The following AUH variants were observed in gnomAD, a reference collection of about 807,000 sequenced individuals.
AUH encodes AU RNA binding methylglutaconyl-CoA hydratase, also known as methylglutaconyl-CoA hydratase, mitochondrial.
In AUH, 29 loss-of-function variants were observed where a neutral mutation model predicts 42.3. The ratio of observed to expected loss-of-function variants is 0.69; its 90% CI spans 0.51 to 0.93. AUH has a LOEUF of 0.93. AUH is among the 40% of genes least tolerant of loss of function. The probability of loss-of-function intolerance (pLI) is 0.00; values close to 1 mark genes in which losing one functional copy is unlikely to be tolerated. For synonymous variants in AUH, 174 were observed against 166.4 expected, an observed-to-expected ratio of 1.05 and a Z score of -0.35; for missense variants, 452 against 438.1, an observed-to-expected ratio of 1.03 and a Z score of -0.28.
intron 1 of AUH, among the ~76,000 whole-genome samples, chr9:91,359,875 T>C (rs1405147872): frequency 3.9e-5 from 6 of 152,192 alleles, no homozygotes. Context: ...TTATTGCTGG[T>C]TCAACAGTAA....
At chr9:91,221,739 G>C (rs948090564) in intron 6 of AUH, among the ~76,000 whole-genome samples, 7 of 152,192 alleles carry the variant, frequency 4.6e-5, no homozygotes, top group African/African-American at 9.7e-5. Context: ...GGGTATATTA[G>C]CATGATTTAG....
intron 6 of AUH, among the ~76,000 whole-genome samples, chr9:91,277,165 G>A (rs1825610294): frequency 6.6e-6 from 1 of 152,130 alleles, no homozygotes; most frequent in Non-Finnish European, 1.5e-5. Flanking sequence ...TTAATACTAA[G>A]ATTTCCACAT....
chr9:91,285,629 T>C (rs1049379513), intron 6 of AUH, among the ~76,000 whole-genome samples: 4 of 152,086 alleles, frequency 2.6e-5, no homozygotes, highest in Non-Finnish European at 5.9e-5. Flanking sequence ...AGGTGATCAA[T>C]TCCAAGGGAG....
intron 1 of AUH, among the ~76,000 whole-genome samples, chr9:91,360,089 T>C (rs746259641): frequency 6.6e-6 from 1 of 152,216 alleles, no homozygotes; most frequent in Non-Finnish European, 1.5e-5. Flanking sequence ...TTCTCTCTTC[T>C]GTCCATTCAG....
rs562415419 is a variant in AUH, at chr9:91,253,698, A to C, written c.656-32706T>G. Among the ~76,000 whole-genome samples the C allele has an allele frequency of 3.9e-5, 6 of 152,350 alleles. No individual in the cohort carries two copies. In the East Asian group the frequency reaches 1.2e-3, roughly 29 times the overall value. On this transcript the variant is annotated intron_variant, in intron 6 of 9. Coordinates refer to ENST00000375731, the MANE Select transcript of AUH (RefSeq NM_001698.3). Reference sequence around the variant, plus strand: ...GACTGCAGTCATCAGGAGCCTTGCAAGCTGCTCACTGAAGCAGTTTCTGTA... The same window carrying C: ...GACTGCAGTCATCAGGAGCCTTGCACGCTGCTCACTGAAGCAGTTTCTGTA...
chr9:91,336,187 T>C (rs1256406710), intron 3 of AUH, among the ~76,000 whole-genome samples: 2 of 152,228 alleles, frequency 1.3e-5, no homozygotes, highest in Admixed American at 1.3e-4. Context: ...TGCTATTTTA[T>C]ATTTTCCTGG....
At chr9:91,337,279 T>C (rs1463877681) in intron 3 of AUH, among the ~76,000 whole-genome samples, 3 of 152,132 alleles carry the variant, frequency 2.0e-5, no homozygotes, top group African/African-American at 7.2e-5. Context: ...TGATGAAGAG[T>C]TACAGTAAAA....
intron 6 of AUH, among the ~76,000 whole-genome samples, chr9:91,291,636 C>T (rs1826898444): frequency 6.6e-6 from 1 of 152,068 alleles, no homozygotes; most frequent in African/African-American, 2.4e-5. Context: ...AAGTAGAAAA[C>T]ATGGGGAGTC....
chr9:91,329,786 A>G (rs1222359955), intron 3 of AUH, among the ~76,000 whole-genome samples: 2 of 152,242 alleles, frequency 1.3e-5, no homozygotes, highest in African/African-American at 4.8e-5. Flanking sequence ...TTTTCTGGTA[A>G]TATCTAAAAA....
intron 6 of AUH, among the ~76,000 whole-genome samples, chr9:91,224,011 T>C (rs1827287323): frequency 6.6e-6 from 1 of 152,212 alleles, no homozygotes; most frequent in African/African-American, 2.4e-5. Context: ...ATTTCTTCCC[T>C]GCTATATAAA....
rs1487631447 is a variant in AUH, at chr9:91,213,869, A to AT, written c.*478dup. 6.5e-6 allele frequency: 1 copy of AT among 153,290 alleles called. No individual in the cohort carries two copies. The highest frequency in any genetic ancestry group is 1.5e-5 in the Non-Finnish European group (1 of 68,530). The allele number at this position is 153,290 out of a possible 1,614,324, so 9.5% of individuals were successfully genotyped here. ...TTATATTAGGTAGTTTTCACTCAGA[A>AT]TATCAATTCATTTTTCAGGTTTAGA... is the stretch of plus-strand genomic sequence containing the variant. On this transcript the variant is annotated 3_prime_UTR_variant, in exon 10 of 10. Coordinates refer to ENST00000375731, the MANE Select transcript of AUH (RefSeq NM_001698.3).
chr9:91,277,012 C>T (rs1246878513), intron 6 of AUH, among the ~76,000 whole-genome samples: 1 of 152,026 alleles, frequency 6.6e-6, no homozygotes, highest in Non-Finnish European at 1.5e-5. Flanking sequence ...TAGCAAGACA[C>T]TCATCTCCAC....
chr9:91,277,518 C>G (rs1384511983), intron 6 of AUH, among the ~76,000 whole-genome samples: 1 of 151,892 alleles, frequency 6.6e-6, no homozygotes, highest in African/African-American at 2.4e-5. Context: ...TATCTAAAAC[C>G]TAACATTAAA....
chr9:91,244,034 A>G (rs1243726721), intron 6 of AUH, among the ~76,000 whole-genome samples: 1 of 152,216 alleles, frequency 6.6e-6, no homozygotes, highest in Non-Finnish European at 1.5e-5. Flanking sequence ...AACATATCCA[A>G]CATCCAGTCA....
chr9:91,216,196 C>A, intron 8 of AUH, 90 bp from the exon 9 acceptor site: 2 of 1,227,374 alleles, frequency 1.6e-6, no homozygotes, highest in South Asian at 1.2e-5. Flanking sequence ...AACCTTATCC[C>A]CAAAGCACCC....
chr9:91,326,819 A>C (rs1214330657), intron 3 of AUH, among the ~76,000 whole-genome samples: 1 of 152,198 alleles, frequency 6.6e-6, no homozygotes, highest in Non-Finnish European at 1.5e-5. Flanking sequence ...CTTTGTAATT[A>C]ATTTTTCCAT....
intron 6 of AUH, among the ~76,000 whole-genome samples, chr9:91,259,750 C>T (rs1428867624): frequency 1.3e-5 from 2 of 152,132 alleles, no homozygotes; most frequent in African/African-American, 4.8e-5. Flanking sequence ...ATATGTCTTT[C>T]GGTTTTTTAT....
chr9:91,358,575 T>C (rs1208708345), intron 1 of AUH, among the ~76,000 whole-genome samples: 1 of 152,218 alleles, frequency 6.6e-6, no homozygotes, highest in Non-Finnish European at 1.5e-5. Context: ...AATGATATGA[T>C]ACATGTAAAA....
intron 3 of AUH, among the ~76,000 whole-genome samples, chr9:91,329,961 C>T (rs976369164): frequency 2.6e-5 from 4 of 152,110 alleles, no homozygotes; most frequent in Non-Finnish European, 4.4e-5. Flanking sequence ...TGTTCCCTAA[C>T]ACTTTTAAAC....
Sources: allele counts gnomAD v4.1 joint callset (sites outside exome capture counted in the v4.1 genomes callset), GRCh38; gene constraint gnomAD v4.1.1; transcripts MANE v1.5; gene names NCBI Gene and HGNC (gene_info 2026-07-23, HGNC 2026-07-21).